ZNRF2: variants seen among roughly 807,000 people sequenced by gnomAD.
ZNRF2 encodes E3 ubiquitin-protein ligase ZNRF2.
ZNRF2 carries 16 observed loss-of-function variants against 20.4 expected under a neutral mutation model. The observed-to-expected ratio is 0.79, with a 90% confidence interval of 0.53 to 1.19. The LOEUF is 1.19. Among genes scored for constraint, ZNRF2 ranks in the 50% most tolerant of loss-of-function variants. The probability of loss-of-function intolerance (pLI) is 0.00; values close to 1 mark genes in which losing one functional copy is unlikely to be tolerated. For missense variants in ZNRF2, 363 were observed against 332.4 expected, an observed-to-expected ratio of 1.09 and a Z score of -0.72; for synonymous variants, 178 against 144.9, an observed-to-expected ratio of 1.23 and a Z score of -1.64.
intron 1 of ZNRF2, among the ~76,000 whole-genome samples, chr7:30,291,260 ATTT>A (rs780432750): frequency 9.3e-4 from 142 of 152,216 alleles, no homozygotes; most frequent in Non-Finnish European, 1.8e-3. Context: ...CAGTTGAAAG[ATTT>A]TATAGTGCTG....
chr7:30,362,403 A>G lies in ZNRF2; in HGVS notation c.698A>G (p.Asn233Ser). The change falls in exon 4 of 5, where the codon AAT (asparagine) becomes AGT (serine). Residue 233 changes from asparagine (N) to serine (S), a missense_variant. Asn to Ser is a conservative substitution (Grantham distance 46). Transcript: ENST00000323037. ...TGCATAGATGAATGGTTTGAAGTAA[A>G]TAGATCTTGCCCTGAGCACCCTTCA... ...KGCIDEWFEV[N>S]RSCPEHPSD The G allele has an allele frequency of 6.3e-7, 1 of 1,595,920 alleles. No individual in the cohort carries two copies. Among genetic ancestry groups the G allele is most frequent in the Non-Finnish European group, 8.6e-7 (1 of 1,168,348 alleles).
chr7:30,294,474 A>G (rs1798974755), intron 1 of ZNRF2, among the ~76,000 whole-genome samples: 1 of 152,072 alleles, frequency 6.6e-6, no homozygotes, highest in African/African-American at 2.4e-5. Flanking sequence ...CGTTACTTCT[A>G]GTGTTAATTT....
At chr7:30,295,050 AGTGTGTGTGTGTGTGTGTGTGTGTGT>A (rs71536219) in intron 1 of ZNRF2, among the ~76,000 whole-genome samples, 7 of 38,282 alleles carry the variant, frequency 1.8e-4, no homozygotes, top group Admixed American at 2.7e-4. Flanking sequence ...AGAGAGAGAG[AGTGTGTGTGTGTGTGTGTGTGTGTGT>A]GTGTGTGTGT....
chr7:30,287,637 C>G (rs1390391982), intron 1 of ZNRF2, among the ~76,000 whole-genome samples: 1 of 151,922 alleles, frequency 6.6e-6, no homozygotes, highest in African/African-American at 2.4e-5. Context: ...TTTTTCTTAT[C>G]TAAGTTCTAG....
rs1798768588 is a variant in ZNRF2, at chr7:30,285,619, G to A, written c.262G>A (p.Gly88Arg). 2 of 1,234,194 alleles carry A rather than the reference G, an allele frequency of 1.6e-6. No individual in the cohort carries two copies. The highest frequency in any genetic ancestry group is 6.2e-5 in the South Asian group (2 of 32,226). 76.5% of individuals were successfully genotyped at this position (1,234,194 alleles called of 1,614,324 possible). The change falls in exon 1 of 5, where the codon GGG (glycine) becomes AGG (arginine). Residue 88 changes from glycine (G) to arginine (R), a missense_variant. Gly to Arg is a moderately radical substitution (Grantham distance 125, BLOSUM62 -2). Around this residue, in one of 2 missense-constraint regions of ZNRF2, gnomAD observed 302 missense variants for 231.5 expected, o/e 1.30. Transcript: ENST00000323037. The stretch of plus-strand genomic sequence containing the variant: ...CAGCCGCTCCCTCGGCGGGGCCGTG[G>A]GGAGCGTGGCGTCGGGGGCCCGCGC... The part of the protein sequence containing the change: ...PRSRSLGGAV[G>R]SVASGARAAQ...
intron 1 of ZNRF2, among the ~76,000 whole-genome samples, chr7:30,298,234 A>ATATG (rs1799050077): frequency 6.6e-6 from 1 of 151,980 alleles, no homozygotes; most frequent in South Asian, 2.1e-4. Context: ...GTTTGTGTAT[A>ATATG]TATGTATGTG....
intron 1 of ZNRF2, among the ~76,000 whole-genome samples, chr7:30,298,955 G>A (rs1799062718): frequency 6.6e-6 from 1 of 152,068 alleles, no homozygotes; most frequent in African/African-American, 2.4e-5. Flanking sequence ...GAGTCTAAAG[G>A]TACTGCTTTT....
chr7:30,340,022 A>G (rs777579228), intron 2 of ZNRF2, among the ~76,000 whole-genome samples: 1 of 152,086 alleles, frequency 6.6e-6, no homozygotes, highest in Non-Finnish European at 1.5e-5. Context: ...CTTTGTAGCA[A>G]TTCTGAATGG....
chr7:30,304,139 A>C (rs748991504), intron 1 of ZNRF2, among the ~76,000 whole-genome samples: 1 of 152,176 alleles, frequency 6.6e-6, no homozygotes, highest in Admixed American at 6.5e-5. Context: ...GCAAAAGCCA[A>C]CTGCTGCTGT....
In ZNRF2 at chr7:30,366,563, T is replaced by TC. The variant is rs1291342375; in HGVS notation, c.*552dup. 1 of 152,540 alleles carries TC rather than the reference T, an allele frequency of 6.6e-6. No homozygotes were observed. Among genetic ancestry groups the TC allele is most frequent in the African/African-American group, 2.4e-5 (1 of 41,442 alleles). 9.4% of individuals were successfully genotyped at this position (152,540 alleles called of 1,614,324 possible). ...GAAATGTAATCAAGCAGTAAAAACA[T>TC]CTGAATGTAGACCATGATCTCAAGT... On this transcript the variant is annotated 3_prime_UTR_variant, in exon 5 of 5. Transcript: ENST00000323037.
intron 3 of ZNRF2, among the ~76,000 whole-genome samples, chr7:30,358,244 G>A (rs577018011): frequency 6.6e-6 from 1 of 152,208 alleles, no homozygotes; most frequent in African/African-American, 2.4e-5. Context: ...TCAACCTATG[G>A]AAATAAGTTG....
intron 2 of ZNRF2, among the ~76,000 whole-genome samples, chr7:30,328,403 T>C (rs547798162): frequency 6.6e-6 from 1 of 152,344 alleles, no homozygotes; most frequent in Non-Finnish European, 1.5e-5. Context: ...TTTTTCAGCA[T>C]ACTGTTCATT....
At chr7:30,288,003 G>T (rs1798825458) in intron 1 of ZNRF2, among the ~76,000 whole-genome samples, 2 of 152,166 alleles carry the variant, frequency 1.3e-5, no homozygotes, top group Non-Finnish European at 2.9e-5. Context: ...CTCTGTTGAG[G>T]CAGGGAGATG....
intron 1 of ZNRF2, among the ~76,000 whole-genome samples, chr7:30,318,513 A>G (rs1256780598): frequency 6.6e-6 from 1 of 152,172 alleles, no homozygotes; most frequent in African/African-American, 2.4e-5. Flanking sequence ...TGGTTGGAGT[A>G]ATTTTTCTAC....
intron 1 of ZNRF2, among the ~76,000 whole-genome samples, chr7:30,315,932 T>C (rs1284878739): frequency 6.6e-6 from 1 of 152,064 alleles, no homozygotes; most frequent in East Asian, 1.9e-4. Context: ...TAGATCATAA[T>C]TTTCACTTAA....
intron 1 of ZNRF2, among the ~76,000 whole-genome samples, chr7:30,321,793 A>C (rs544039686): frequency 2.6e-5 from 4 of 152,164 alleles, no homozygotes; most frequent in African/African-American, 9.7e-5. Flanking sequence ...ATCTGGTTGC[A>C]GTTTTAGGAT....
At chr7:30,329,357 T>G (rs1799601789) in intron 2 of ZNRF2, among the ~76,000 whole-genome samples, 2 of 152,224 alleles carry the variant, frequency 1.3e-5, no homozygotes, top group African/African-American at 4.8e-5. Context: ...ATAGTTGTCC[T>G]GTTGTGCTTC....
intron 1 of ZNRF2, among the ~76,000 whole-genome samples, chr7:30,308,181 A>G (rs1367460547): frequency 6.6e-6 from 1 of 152,174 alleles, no homozygotes; most frequent in Non-Finnish European, 1.5e-5. Context: ...AAATGGAATC[A>G]TACTCTTTTT....
chr7:30,318,883 G>A (rs1273351954), intron 1 of ZNRF2, among the ~76,000 whole-genome samples: 3 of 151,940 alleles, frequency 2.0e-5, no homozygotes, highest in South Asian at 2.1e-4. Context: ...AGGCTGAGGC[G>A]GACGGATCAC....
Sources: gnomAD v4.1 joint callset for allele counts (sites outside exome capture counted in the v4.1 genomes callset) on GRCh38, gnomAD v4.1.1 for gene constraint, gnomAD v4.1.1 regional missense constraint, MANE v1.5 for transcripts, NCBI Gene and HGNC (gene_info 2026-07-23, HGNC 2026-07-21) for gene names.